SEC24B: variants seen among roughly 807,000 people sequenced by gnomAD.
The protein encoded by SEC24B is SEC24 homolog B, COPII component.
SEC24B carries 45 observed loss-of-function variants against 142.8 expected under a neutral mutation model. The observed-to-expected ratio is 0.32, with a 90% CI of 0.25 to 0.40. The LOEUF (loss-of-function observed/expected upper bound fraction) is 0.40, where lower values mean the gene tolerates loss of function less well. Ranked by LOEUF, SEC24B falls within the 10% of genes least tolerant of loss-of-function variation. The probability of loss-of-function intolerance (pLI) is 1.00; values close to 1 mark genes in which losing one functional copy is unlikely to be tolerated. For synonymous variants in SEC24B, 574 were observed against 568.2 expected, an observed-to-expected ratio of 1.01 and a Z score of -0.15; for missense variants, 1,409 against 1,526.8, an observed-to-expected ratio of 0.92 and a Z score of 1.29.
At chr4:109,474,851 A>G (rs773626639) in intron 3 of SEC24B, among the ~76,000 whole-genome samples, 18 of 152,340 alleles carry the variant, frequency 1.2e-4, no homozygotes, top group Middle Eastern at 6.8e-3. Flanking sequence ...TTCTATTAAA[A>G]TATATTTTGA....
chr4:109,514,367 A>G (rs531854854), intron 10 of SEC24B, among the ~76,000 whole-genome samples: 62 of 152,252 alleles, frequency 4.1e-4, no homozygotes, highest in Non-Finnish European at 7.2e-4. Flanking sequence ...AGGTTTGCTC[A>G]TCTTCGTTAT....
intron 1 of SEC24B, among the ~76,000 whole-genome samples, chr4:109,439,474 A>ATTTTTTTTTTTTTTTTTTTTTTTT (rs70949077): frequency 6.8e-5 from 3 of 43,996 alleles, no homozygotes; most frequent in African/African-American, 9.5e-5. Context: ...TCCTAAGCTG[A>ATTTTTTTTTTTTTTTTTTTTTTTT]TTTTTTTTTT....
At chr4:109,507,375 A>G (rs1736807016) in intron 7 of SEC24B, among the ~76,000 whole-genome samples, 1 of 150,886 alleles carries the variant, frequency 6.6e-6, no homozygotes, top group African/African-American at 2.4e-5. Context: ...CCCAGGTTCA[A>G]GTGATTCTCG....
At chr4:109,538,700 T>G in intron 23 of SEC24B, 104 bp downstream of exon 23, 1 of 665,840 alleles carries the variant, frequency 1.5e-6, no homozygotes, top group Non-Finnish European at 2.7e-6. Flanking sequence ...TATATTCTGA[T>G]GGTAAAATGT....
At chr4:109,469,795 C>T (rs1186370168) in intron 2 of SEC24B, among the ~76,000 whole-genome samples, 1 of 151,970 alleles carries the variant, frequency 6.6e-6, no homozygotes, top group East Asian at 1.9e-4. Flanking sequence ...ATGATAAACG[C>T]AACTCATTTC....
Position 109,506,361 on chromosome 4 carries a change from A to G in SEC24B, c.1522A>G (p.Ile508Val), listed in dbSNP as rs917616666. ...YPGVNQLSSSIGGLSLQSSPQ... is the reference protein window; with the variant it reads ...YPGVNQLSSSVGGLSLQSSPQ... ...TGGTGTGAACCAGCTATCCTCCAGT[A>G]TAGGAGGATTGAGTCTTCAGAGTTC... The change falls in exon 7 of 24, where the codon ATA becomes GTA. Residue 508 changes from isoleucine (I) to valine (V), a missense_variant. Ile to Val is a conservative substitution (Grantham distance 29). Transcript: ENST00000265175. 1.2e-6 allele frequency: 2 copies of G among 1,604,858 alleles called. No homozygotes were observed. The highest frequency in any genetic ancestry group is 1.7e-4 in the Middle Eastern group (1 of 5,964).
intron 4 of SEC24B, among the ~76,000 whole-genome samples, chr4:109,482,606 G>C (rs1414979148): frequency 6.6e-6 from 1 of 151,820 alleles, no homozygotes; most frequent in Non-Finnish European, 1.5e-5. Context: ...ATAAACTAAA[G>C]ATAATTTTGT....
chr4:109,472,327 A>G lies in SEC24B; in HGVS notation c.878-677A>G, dbSNP rs545625339. On this transcript the variant is annotated intron_variant, in intron 2 of 23. Transcript: ENST00000265175. ...GATTACCTTCAATAACTTACCCAGT[A>G]TTTCTCAACCGGGAACGATTTTGCC... Among the ~76,000 whole-genome samples the G allele has an allele frequency of 4.6e-5, 7 of 152,300 alleles. No homozygotes were observed. In the East Asian group the frequency reaches 1.4e-3, roughly 29 times the overall value.
intron 1 of SEC24B, among the ~76,000 whole-genome samples, chr4:109,449,839 G>C (rs1169068167): frequency 6.6e-6 from 1 of 152,090 alleles, no homozygotes; most frequent in Non-Finnish European, 1.5e-5. Context: ...GGATGTCTAC[G>C]AGGTTCTTCC....
In SEC24B at chr4:109,540,775, C is replaced by G. The variant is rs1726087133; in HGVS notation, c.*1100C>G. On this transcript the variant is annotated 3_prime_UTR_variant, in exon 24 of 24. Coordinates refer to ENST00000265175, the MANE Select transcript of SEC24B (RefSeq NM_006323.5). ...GCGGGCACCTGTAATCCCAGCTACT[C>G]AGGAGGCTGAAGCAGTAGAATCGCT... The G allele has an allele frequency of 6.6e-6, 1 of 151,762 alleles. No individual in the cohort carries two copies. Among genetic ancestry groups the G allele is most frequent in the Non-Finnish European group, 1.5e-5 (1 of 68,030 alleles). 9.4% of individuals were successfully genotyped at this position (151,762 alleles called of 1,614,324 possible). A position where few individuals can be genotyped will look rare whatever the true frequency, so the allele number is the denominator to read the frequency against.
At position 109,538,478 on chromosome 4, in the gene SEC24B, T is replaced by A; in HGVS notation, c.3589-15T>A. ...ATGAGAAAGGAAAGTTTCCTAATTG[T>A]ATTTCTTTTACCAGACACATCTTCC... On this transcript the variant is annotated splice_polypyrimidine_tract_variant and intron_variant, in intron 22 of 23. Coordinates refer to ENST00000265175, the MANE Select transcript of SEC24B (RefSeq NM_006323.5). 6.4e-7 allele frequency: 1 copy of A among 1,561,020 alleles called. No individual in the cohort carries two copies. The highest frequency in any genetic ancestry group is 8.8e-7 in the Non-Finnish European group (1 of 1,132,322).
At chr4:109,491,449 A>C (rs776188076) in intron 5 of SEC24B, 42 bp downstream of exon 5, 2 of 1,450,774 alleles carry the variant, frequency 1.4e-6, no homozygotes, top group South Asian at 2.3e-5. Flanking sequence ...TTTGAAAGTT[A>C]TTGACCATCA....
At chr4:109,461,222 G>A (rs994056505) in intron 1 of SEC24B, among the ~76,000 whole-genome samples, 5 of 152,110 alleles carry the variant, frequency 3.3e-5, no homozygotes, top group Non-Finnish European at 7.4e-5. Flanking sequence ...TTTCAGATTG[G>A]CAGAGATTAA....
intron 1 of SEC24B, among the ~76,000 whole-genome samples, chr4:109,439,304 A>G (rs1427858126): frequency 1.3e-5 from 2 of 152,032 alleles, no homozygotes; most frequent in African/African-American, 4.8e-5. Context: ...TTAAAATGAT[A>G]TAAATCTCCC....
chr4:109,486,574 TAGA>T (rs1050100812), intron 4 of SEC24B, among the ~76,000 whole-genome samples: 3 of 152,194 alleles, frequency 2.0e-5, no homozygotes, highest in African/African-American at 7.2e-5. Context: ...ATAGAGCCAG[TAGA>T]AGAATGAGAG....
intron 3 of SEC24B, among the ~76,000 whole-genome samples, chr4:109,478,061 C>T (rs1040105732): frequency 6.6e-5 from 10 of 152,102 alleles, no homozygotes; most frequent in Admixed American, 5.2e-4. Flanking sequence ...GTGGGTGGAT[C>T]ATTTGAGGTC....
chr4:109,439,213 G>C (rs1728681768), intron 1 of SEC24B, among the ~76,000 whole-genome samples: 1 of 152,184 alleles, frequency 6.6e-6, no homozygotes, highest in African/African-American at 2.4e-5. Flanking sequence ...TATGGAAGAT[G>C]TAAATAAACA....
At chr4:109,518,002 CTG>C (rs970422604) in intron 11 of SEC24B, among the ~76,000 whole-genome samples, 3 of 151,834 alleles carry the variant, frequency 2.0e-5, no homozygotes, top group Non-Finnish European at 2.9e-5. Flanking sequence ...GAGTCTCGCT[CTG>C]TTGCCCAGGC....
intron 14 of SEC24B, among the ~76,000 whole-genome samples, chr4:109,522,046 G>A (rs1469210139): frequency 7.6e-6 from 1 of 131,318 alleles, no homozygotes; most frequent in Non-Finnish European, 1.7e-5. Context: ...AGAGTTTTTT[G>A]TTTTGTTTTT....
Sources: gnomAD v4.1 joint callset for allele counts (sites outside exome capture counted in the v4.1 genomes callset) on GRCh38, gnomAD v4.1.1 for gene constraint, MANE v1.5 for transcripts, NCBI Gene and HGNC (gene_info 2026-07-23, HGNC 2026-07-21) for gene names.